The following TULP2 variants were observed in gnomAD, a reference collection of about 807,000 sequenced individuals.
The protein encoded by TULP2 is TUB like protein 2, also known as tubby-related protein 2.
In TULP2, 64 loss-of-function variants were observed where a neutral mutation model predicts 60.3. That is an observed-to-expected ratio of 1.06 (90% confidence interval 0.87 to 1.31). TULP2 has a LOEUF of 1.31. TULP2 is among the 50% of genes most tolerant of loss of function. TULP2 has a pLI of 0.00. For synonymous variants in TULP2, 267 were observed against 265.4 expected, an observed-to-expected ratio of 1.01 and a Z score of -0.06; for missense variants, 652 against 667.0, an observed-to-expected ratio of 0.98 and a Z score of 0.25.
rs1213283113 is a variant in TULP2, at chr19:48,896,672, C to T, written c.85-116G>A. On this transcript the variant is annotated intron_variant, in intron 3 of 12. Transcript: ENST00000221399. Reference sequence around the variant, plus strand: ...GCGAGAGTTCGTGAACCCCTTCCTCCACTGGGGCCCACACGTCCAGGCCCT... The same window carrying T: ...GCGAGAGTTCGTGAACCCCTTCCTCTACTGGGGCCCACACGTCCAGGCCCT... 6.4e-6 allele frequency: 8 copies of T among 1,257,984 alleles called. No homozygotes were observed. In the South Asian group the frequency reaches 6.5e-5, roughly 10 times the overall value. The allele number at this position is 1,257,984 out of a possible 1,614,324, so 77.9% of individuals were successfully genotyped here.
chr19:48,896,480 G>T lies in TULP2; in HGVS notation c.161C>A (p.Pro54Gln). The change falls in exon 4 of 13, where the codon CCG (proline) becomes CAG (glutamine). Residue 54 changes from proline (P) to glutamine (Q), a missense_variant. Transcript: ENST00000221399. ...CCGCAGACAAGAGCGCCAAAGCCAC[G>T]GGGAAGCGTCAGGATTGGCCTGAAC... ...LMVQANPDAS[P>Q]WLWRSCLREE... 1 of 1,611,718 alleles carries T rather than the reference G, an allele frequency of 6.2e-7. No individual in the cohort carries two copies. Among genetic ancestry groups the T allele is most frequent in the Non-Finnish European group, 8.5e-7 (1 of 1,179,132 alleles).
At chr19:48,881,748 C>T (rs573372965) in intron 12 of TULP2, among the ~76,000 whole-genome samples, 50 of 151,936 alleles carry the variant, frequency 3.3e-4, no homozygotes, top group Non-Finnish European at 6.2e-4. Flanking sequence ...GAACTCCTGA[C>T]CTCAGATGAT....
intron 1 of TULP2, among the ~76,000 whole-genome samples, chr19:48,898,121 G>C (rs1490500334): frequency 2.6e-5 from 4 of 151,806 alleles, no homozygotes; most frequent in Non-Finnish European, 4.4e-5. Context: ...ACAGGCGTCC[G>C]CTATTCTGCC....
rs1457883781 is a variant in TULP2, at chr19:48,886,983, G to C, written c.948+967C>G. ...CCTGCCTTGGCCTCCAAAATGCTGA[G>C]ATTACAAGCGTGAACCACCGTGCCC... On this transcript the variant is annotated intron_variant, in intron 8 of 12. Coordinates refer to ENST00000221399, the MANE Select transcript of TULP2 (RefSeq NM_003323.3). Among the ~76,000 whole-genome samples the C allele has an allele frequency of 2.0e-5, 3 of 149,734 alleles. No individual in the cohort carries two copies. The East Asian group carries it at 5.9e-4, about 30-fold the overall frequency.
rs779116476 is a variant in TULP2, at chr19:48,881,986, A to AC, written c.1447+45dup. 13 of 1,613,510 alleles carry AC rather than the reference A, an allele frequency of 8.1e-6. No individual in the cohort carries two copies. In the Admixed American group the frequency reaches 1.3e-4, roughly 17 times the overall value. On this transcript the variant is annotated intron_variant, in intron 12 of 12. Transcript: ENST00000221399. ...GTAGTTCCCTTCCGTTCACACCCTA[A>AC]CCCCCACCCCACCTGGCCCGGCTAA...
intron 7 of TULP2, 88 bp from the exon 8 acceptor site, chr19:48,888,349 C>T (rs1000446799): frequency 5.1e-5 from 69 of 1,354,770 alleles, no homozygotes; most frequent in Non-Finnish European, 5.8e-5. Context: ...CCTAGGGTCC[C>T]GCCCTTGCCC....
chr19:48,882,349 C>T, intron 11 of TULP2, 146 bp from the exon 12 acceptor site: 2 of 838,516 alleles, frequency 2.4e-6, no homozygotes, highest in South Asian at 1.8e-5. Flanking sequence ...GCTGCGTTCC[C>T]AGGAGGTTAG....
At chr19:48,896,997 C>T (rs1455021900) in intron 3 of TULP2, among the ~76,000 whole-genome samples, 1 of 152,006 alleles carries the variant, frequency 6.6e-6, no homozygotes, top group Non-Finnish European at 1.5e-5. Context: ...TCAAACGATT[C>T]TCCTGCCTCA....
intron 4 of TULP2, among the ~76,000 whole-genome samples, chr19:48,896,229 G>A (rs867947004): frequency 6.6e-6 from 1 of 152,092 alleles, no homozygotes; most frequent in South Asian, 2.1e-4. Context: ...TCCCTCACAG[G>A]TCCTGCCGCG....
At position 48,895,406 on chromosome 19, in the gene TULP2, G is replaced by T. The variant is rs368026393; in HGVS notation, c.309C>A (p.Gly103=). The T allele has an allele frequency of 1.0e-4, 169 of 1,613,984 alleles. No homozygotes were observed. The South Asian group carries it at 1.2e-3, about 12-fold the overall frequency. The part of the protein sequence containing the change: ...ALGTVSCGGD[G]RGERGLPTPR... The stretch of plus-strand genomic sequence containing the variant: ...GTGTCGGGAGGCCGCGCTCGCCCCT[G>T]CCGTCTCCACCACAGCTCACGGTGC... Residue 103 remains glycine (G), a synonymous_variant, in exon 5 of 13, where the codon GGC becomes GGA. Transcript: ENST00000221399.
chr19:48,895,219 C>T, intron 5 of TULP2, 57 bp from the exon 6 acceptor site: 1 of 1,590,118 alleles, frequency 6.3e-7, no homozygotes, highest in Non-Finnish European at 8.6e-7. Flanking sequence ...GGAGGCGGCT[C>T]AGGACCTGAA....
intron 12 of TULP2, 49 bp downstream of exon 12, chr19:48,881,983 C>G: frequency 6.2e-7 from 1 of 1,613,664 alleles, no homozygotes; most frequent in Non-Finnish European, 8.5e-7. Flanking sequence ...CGTTCACACC[C>G]TAACCCCCAC....
intron 8 of TULP2, among the ~76,000 whole-genome samples, chr19:48,886,669 G>C (rs1291018234): frequency 6.6e-6 from 1 of 152,134 alleles, no homozygotes; most frequent in East Asian, 1.9e-4. Flanking sequence ...AGACAAACCA[G>C]GGGAGGGACC....
Position 48,892,518 on chromosome 19 carries a change from G to T in TULP2, c.514+2480C>A, listed in dbSNP as rs200945484. Among the ~76,000 whole-genome samples, 42 of 130,762 alleles carry T rather than the reference G, an allele frequency of 3.2e-4. 2 individuals carry two copies. The highest frequency in any genetic ancestry group is 1.4e-3 in the Admixed American group (18 of 13,206). 85.8% of individuals were successfully genotyped at this position (130,762 alleles called of 152,430 possible). ...GAACAGTTTTTCTTTTTTTTTTTGG[G>T]GGGGGGACGGAGTCTTGCTCTGTCA... On this transcript the variant is annotated intron_variant, in intron 6 of 12. Coordinates refer to ENST00000221399, the MANE Select transcript of TULP2 (RefSeq NM_003323.3).
intron 6 of TULP2, among the ~76,000 whole-genome samples, chr19:48,889,907 G>C (rs2037217051): frequency 6.6e-6 from 1 of 152,170 alleles, no homozygotes; most frequent in South Asian, 2.1e-4. Flanking sequence ...CTAATCTCAA[G>C]TACCCAGGGA....
At position 48,881,065 on chromosome 19, in the gene TULP2, G is replaced by A. The variant is rs1420127671; in HGVS notation, c.1509C>T (p.Cys503=). 1.2e-6 allele frequency: 2 copies of A among 1,613,918 alleles called. No individual in the cohort carries two copies. The highest frequency in any genetic ancestry group is 1.3e-5 in the African/African-American group (1 of 74,864). The change falls in exon 13 of 13, where the codon TGC becomes TGT. Residue 503 remains cysteine (C), a synonymous_variant. Transcript: ENST00000221399. ...AGGCCTGGAGCGGGCTAAATGGAAA[G>A]CAGAAGTCCATGGTGAATGTGTCTG... ...VGPDTFTMDF[C]FPFSPLQAFS...
chr19:48,887,787 A>G (rs1205612761), intron 8 of TULP2, among the ~76,000 whole-genome samples, 163 bp downstream of exon 8: 2 of 151,968 alleles, frequency 1.3e-5, no homozygotes, highest in Non-Finnish European at 2.9e-5. Flanking sequence ...TGAACTCCGG[A>G]CCTCAGGTGA....
chr19:48,896,447 C>A lies in TULP2; in HGVS notation c.194G>T (p.Arg65Leu), dbSNP rs1296087851. 4 of 1,609,186 alleles carry A rather than the reference C, an allele frequency of 2.5e-6. No homozygotes were observed. In the South Asian group the frequency reaches 4.4e-5, roughly 18 times the overall value. Residue 65 changes from arginine (R) to leucine (L), a missense_variant, in exon 4 of 13, where the codon CGC becomes CTC. Physicochemically the swap from Arg to Leu is moderately radical, Grantham distance 102. Transcript: ENST00000221399. The part of the protein sequence containing the change: ...WLWRSCLREE[R>L]LLGDRGLGNP... Reference sequence around the variant, plus strand: ...TTGGTCACCTCTGTCACCTAAAAGGCGCTCCTCCCGCAGACAAGAGCGCCA... The same window carrying A: ...TTGGTCACCTCTGTCACCTAAAAGGAGCTCCTCCCGCAGACAAGAGCGCCA...
chr19:48,891,884 T>C (rs1303384992), intron 6 of TULP2, among the ~76,000 whole-genome samples: 1 of 152,102 alleles, frequency 6.6e-6, no homozygotes, highest in Non-Finnish European at 1.5e-5. Flanking sequence ...AAAGACTCTG[T>C]GTCATAAATA....
Sources: allele counts gnomAD v4.1 joint callset (sites outside exome capture counted in the v4.1 genomes callset), GRCh38; gene constraint gnomAD v4.1.1; transcripts MANE v1.5; gene names NCBI Gene and HGNC (gene_info 2026-07-23, HGNC 2026-07-21).